Variants in DNAJC21 observed in about 807,000 individuals in gnomAD.
DNAJC21 encodes the protein DnaJ heat shock protein family (Hsp40) member C21.
DNAJC21 carries 63 observed loss-of-function variants against 72.4 expected under a neutral mutation model. The observed-to-expected ratio is 0.87, with a 90% confidence interval of 0.71 to 1.07. The LOEUF (loss-of-function observed/expected upper bound fraction) is 1.07. DNAJC21 is among the 50% of genes least tolerant of loss of function. The pLI, the probability that DNAJC21 is intolerant of heterozygous loss-of-function variation, is 0.00. For synonymous variants in DNAJC21, 203 were observed against 216.7 expected (o/e 0.94, Z 0.56); for missense variants, 634 against 644.8 (o/e 0.98, Z 0.18).
chr5:34,950,775 G>T, intron 10 of DNAJC21: 2 of 987,904 alleles, frequency 2.0e-6, no homozygotes, highest in Non-Finnish European at 2.4e-6. Flanking sequence ...AGCAGCTGGG[G>T]CCCTTCCTGC....
intron 5 of DNAJC21, 84 bp downstream of exon 5, chr5:34,937,714 G>T: frequency 6.7e-7 from 1 of 1,485,876 alleles, no homozygotes; most frequent in South Asian, 1.4e-5. Flanking sequence ...TTCATGTTGG[G>T]TTCAGTCATC....
At chr5:34,933,262 T>A (rs1318252618) in intron 1 of DNAJC21, among the ~76,000 whole-genome samples, 2 of 152,164 alleles carry the variant, frequency 1.3e-5, no homozygotes, top group Non-Finnish European at 2.9e-5. Context: ...GATATCCAGT[T>A]GACTTGTTTT....
chr5:34,954,206 AG>A (rs111386640), intron 11 of DNAJC21: 11 of 501,424 alleles, frequency 2.2e-5, no homozygotes, highest in African/African-American at 2.0e-4. Context: ...AGACTGTACC[AG>A]AACAGTTACT....
At chr5:34,938,772 G>C (rs1385582238) in intron 5 of DNAJC21, 86 bp from the exon 6 acceptor site, 14 of 1,387,604 alleles carry the variant, frequency 1.0e-5, no homozygotes, top group Non-Finnish European at 1.3e-5. Flanking sequence ...AAGCTCTCTA[G>C]TGGGAATGGA....
intron 8 of DNAJC21, 58 bp downstream of exon 8, chr5:34,945,083 A>T: frequency 6.3e-7 from 1 of 1,580,664 alleles, no homozygotes; most frequent in Non-Finnish European, 8.6e-7. Context: ...GATTGCATTA[A>T]AAGGTTTTTT....
intron 6 of DNAJC21, among the ~76,000 whole-genome samples, chr5:34,939,730 T>G (rs1300313357): frequency 1.3e-5 from 2 of 152,146 alleles, no homozygotes; most frequent in African/African-American, 2.4e-5. Flanking sequence ...AAATGTTGTT[T>G]TTTTTTTGCC....
chr5:34,943,749 C>T (rs1765078390), intron 7 of DNAJC21, among the ~76,000 whole-genome samples: 1 of 152,192 alleles, frequency 6.6e-6, no homozygotes, highest in South Asian at 2.1e-4. Context: ...TATCAGTTAG[C>T]ACTTGGCCTT....
At chr5:34,935,469 C>T (rs1194259372) in intron 2 of DNAJC21, among the ~76,000 whole-genome samples, 1 of 152,094 alleles carries the variant, frequency 6.6e-6, no homozygotes, top group Non-Finnish European at 1.5e-5. Flanking sequence ...TTTTTAAATT[C>T]CCCTGTTCAT....
chr5:34,939,796 T>C (rs562949792), intron 6 of DNAJC21, among the ~76,000 whole-genome samples: 4 of 152,306 alleles, frequency 2.6e-5, no homozygotes, highest in African/African-American at 9.6e-5. Flanking sequence ...TTAGGCATTT[T>C]TGAGAATAGC....
At chr5:34,951,110 G>C in intron 10 of DNAJC21, 1 of 985,448 alleles carries the variant, frequency 1.0e-6, no homozygotes, top group Non-Finnish European at 1.2e-6. Flanking sequence ...GGAGTTTAAG[G>C]CACTTAGTAG....
chr5:34,936,337 T>C, intron 4 of DNAJC21, 71 bp downstream of exon 4: 1 of 1,549,178 alleles, frequency 6.5e-7, no homozygotes, highest in South Asian at 1.2e-5. Context: ...ATTTTACTTT[T>C]TGAGATGGTC....
intron 3 of DNAJC21, 83 bp downstream of exon 3, chr5:34,935,916 T>A (rs970322528): frequency 1.3e-6 from 2 of 1,569,806 alleles, no homozygotes; most frequent in Non-Finnish European, 1.7e-6. Flanking sequence ...AAAACTATTC[T>A]GTAATAGAAA....
chr5:34,939,327 G>A (rs1764908617), intron 6 of DNAJC21, among the ~76,000 whole-genome samples: 1 of 151,766 alleles, frequency 6.6e-6, no homozygotes, highest in Admixed American at 6.6e-5. Context: ...CTGCAGTGGC[G>A]CAATCTCGGC....
Position 34,944,787 on chromosome 5 carries a change from T to C in DNAJC21, c.984-80T>C, listed in dbSNP as rs1256894164. On this transcript the variant is annotated intron_variant, in intron 7 of 11. Transcript: ENST00000648817. ...AGTGGGAAAAAAGCTAATTTTATCTTGGTTGCAGTTATCCAGCAACATTAT... is the reference window on the plus strand; with the variant it reads ...AGTGGGAAAAAAGCTAATTTTATCTCGGTTGCAGTTATCCAGCAACATTAT... The C allele has an allele frequency of 1.9e-6, 3 of 1,564,792 alleles. No homozygotes were observed. In the African/African-American group the frequency reaches 4.1e-5, roughly 22 times the overall value.
In DNAJC21 at chr5:34,954,001, G is replaced by T; in HGVS notation, c.1434G>T (p.Met478Ile). 2 of 1,606,950 alleles carry T rather than the reference G, an allele frequency of 1.2e-6. No homozygotes were observed. The highest frequency in any genetic ancestry group is 1.7e-6 in the Non-Finnish European group (2 of 1,177,316). ...GAGTACCTGCTGAACCACAAACAAT[G>T]GTAGGTCAAAATCATATTCATATCT... ...PVRVPAEPQT[M>I]SVLISCTTCH... Residue 478 changes from methionine (M) to isoleucine (I), a missense_variant and splice_region_variant, in exon 11 of 12, where the codon ATG becomes ATT. Transcript: ENST00000648817.
At chr5:34,931,781 T>G (rs37429) in intron 1 of DNAJC21, among the ~76,000 whole-genome samples, 36,268 of 151,896 alleles carry the variant, frequency 0.24, 5,013 homozygotes, top group East Asian at 0.34. Context: ...CAAGCCAGGC[T>G]TGGGGTCAGC....
intron 11 of DNAJC21, chr5:34,954,333 T>C (rs1765469989): frequency 3.7e-6 from 2 of 535,940 alleles, no homozygotes; most frequent in South Asian, 3.3e-5. Context: ...ATGAGGTACA[T>C]GCTATTGAAA....
chr5:34,933,411 A>G (rs1034522315), intron 1 of DNAJC21, among the ~76,000 whole-genome samples: 3 of 152,172 alleles, frequency 2.0e-5, no homozygotes, highest in Non-Finnish European at 2.9e-5. Flanking sequence ...AGTTGGGACT[A>G]CAGGCATGCG....
intron 10 of DNAJC21, chr5:34,951,487 C>T (rs1765361643): frequency 3.0e-6 from 3 of 985,252 alleles, no homozygotes; most frequent in South Asian, 4.7e-5. Context: ...GGCCCCTGAA[C>T]CCCTTTTTCA....
Sources: gnomAD v4.1 joint callset for allele counts (sites outside exome capture counted in the v4.1 genomes callset) on GRCh38, gnomAD v4.1.1 for gene constraint, MANE v1.5 for transcripts, NCBI Gene and HGNC (gene_info 2026-07-23, HGNC 2026-07-21) for gene names.